The following CHEK2 variants were observed in gnomAD, a reference collection of about 807,000 sequenced individuals.
CHEK2 encodes checkpoint kinase 2.
In CHEK2, 71 loss-of-function variants were observed where a neutral mutation model predicts 69.1. That is an observed-to-expected ratio of 1.03 (90% CI 0.85 to 1.25). The LOEUF is 1.25. Ranked by LOEUF, CHEK2 falls within the 50% of genes most tolerant of loss-of-function variation. The pLI is 0.00. For synonymous variants in CHEK2, 189 were observed against 226.9 expected (o/e 0.83, Z 1.50); for missense variants, 664 against 649.6 (o/e 1.02, Z -0.24).
chr22:28,722,539 CAA>C (rs755107963), intron 4 of CHEK2, among the ~76,000 whole-genome samples: 32 of 67,922 alleles, frequency 4.7e-4, no homozygotes, highest in African/African-American at 9.5e-4. Flanking sequence ...GACTCCGTCT[CAA>C]AAAAAAAAAA....
intron 13 of CHEK2, among the ~76,000 whole-genome samples, chr22:28,692,720 G>A (rs754766452): frequency 4.6e-5 from 7 of 152,156 alleles, no homozygotes; most frequent in African/African-American, 1.7e-4. Flanking sequence ...CACAGAAAAC[G>A]GATTGATACA....
rs1601782720 is a variant in CHEK2 at position 28,711,902 on chromosome 22, T to C, written c.792+7A>G. 1 of 1,578,104 alleles carries C rather than the reference T, an allele frequency of 6.3e-7. No homozygotes were observed. Among genetic ancestry groups the C allele is most frequent in the Non-Finnish European group, 8.7e-7 (1 of 1,147,662 alleles). Reference sequence around the variant, plus strand: ...TAAAAGGTGATCAGCCTTTTATTGGTACTTACTGCCTCTCTTGCTGAACCA... The same window carrying C: ...TAAAAGGTGATCAGCCTTTTATTGGCACTTACTGCCTCTCTTGCTGAACCA... On this transcript the variant is annotated splice_region_variant and intron_variant, in intron 6 of 14. Coordinates refer to ENST00000404276, the MANE Select transcript of CHEK2 (RefSeq NM_007194.4).
intron 8 of CHEK2, among the ~76,000 whole-genome samples, chr22:28,700,483 T>A (rs1237655047): frequency 6.6e-6 from 1 of 152,138 alleles, no homozygotes; most frequent in Non-Finnish European, 1.5e-5. Flanking sequence ...CCAAAAGTGC[T>A]GGGATTACAG....
chr22:28,696,862 T>G, intron 10 of CHEK2, 39 bp downstream of exon 10: 2 of 1,316,636 alleles, frequency 1.5e-6, no homozygotes, highest in Non-Finnish European at 2.2e-6. Flanking sequence ...TGAACAAGAA[T>G]CTACAGGAAT....
chr22:28,723,227 T>C (rs1285269706), intron 4 of CHEK2, among the ~76,000 whole-genome samples: 1 of 152,182 alleles, frequency 6.6e-6, no homozygotes, highest in Non-Finnish European at 1.5e-5. Context: ...CACGATAACC[T>C]TGTAGTATTT....
chr22:28,696,357 G>A (rs1209017786), intron 10 of CHEK2, among the ~76,000 whole-genome samples: 4 of 152,144 alleles, frequency 2.6e-5, no homozygotes, highest in Admixed American at 6.6e-5. Context: ...GAAAGGCAGC[G>A]CATGTGATTA....
At chr22:28,706,591 G>T (rs2053152420) in intron 7 of CHEK2, among the ~76,000 whole-genome samples, 1 of 152,078 alleles carries the variant, frequency 6.6e-6, no homozygotes, top group Non-Finnish European at 1.5e-5. Flanking sequence ...TTATAGGCAT[G>T]AGCCACCATG....
intron 7 of CHEK2, among the ~76,000 whole-genome samples, chr22:28,706,118 C>G (rs1053803217): frequency 1.3e-5 from 2 of 152,142 alleles, no homozygotes; most frequent in South Asian, 4.1e-4. Flanking sequence ...ATGGTGAAAC[C>G]CTGTCTCTAC....
At chr22:28,701,765 G>A (rs2052858173) in intron 8 of CHEK2, among the ~76,000 whole-genome samples, 1 of 152,050 alleles carries the variant, frequency 6.6e-6, no homozygotes, top group African/African-American at 2.4e-5. Flanking sequence ...ATGCAACCTG[G>A]TCCTGGATTG....
intron 2 of CHEK2, chr22:28,730,437 C>G: frequency 1.5e-6 from 1 of 683,800 alleles, no homozygotes; most frequent in African/African-American, 1.8e-5. Flanking sequence ...GCAAACTGGC[C>G]GGGGATGGTG....
chr22:28,731,596 AAATAAT>A (rs541345968), intron 2 of CHEK2, among the ~76,000 whole-genome samples: 6 of 151,574 alleles, frequency 4.0e-5, no homozygotes, highest in African/African-American at 1.2e-4. Context: ...ACTCCGTCTC[AAATAAT>A]AATAATAATA....
chr22:28,710,661 G>C (rs1186985802), intron 6 of CHEK2, among the ~76,000 whole-genome samples: 1 of 152,108 alleles, frequency 6.6e-6, no homozygotes, highest in Admixed American at 6.6e-5. Flanking sequence ...AATTCCAAAA[G>C]GATGAATCAA....
rs1270547979 is a variant in CHEK2 at position 28,700,980 on chromosome 22, G to A, written c.909-1043C>T. Among the ~76,000 whole-genome samples, 5 of 151,994 alleles carry A rather than the reference G, an allele frequency of 3.3e-5. No homozygotes were observed. In the East Asian group the frequency reaches 7.8e-4, roughly 24 times the overall value. ...AATTTTGTATTTTTAGTAGAGATGC[G>A]GTTTCTCCATGTTGGTCAGGCTGGT... is the stretch of plus-strand genomic sequence containing the variant. On this transcript the variant is annotated intron_variant, in intron 8 of 14. Coordinates refer to ENST00000404276, the MANE Select transcript of CHEK2 (RefSeq NM_007194.4).
intron 6 of CHEK2, among the ~76,000 whole-genome samples, chr22:28,711,620 G>A (rs181702707): frequency 2.0e-5 from 3 of 149,960 alleles, no homozygotes; most frequent in Non-Finnish European, 4.4e-5. Flanking sequence ...GTCATTTATT[G>A]TAAAAACAAT....
At chr22:28,712,197 C>T in intron 5 of CHEK2, 180 bp from the exon 6 acceptor site, 1 of 619,150 alleles carries the variant, frequency 1.6e-6, no homozygotes, top group Admixed American at 2.7e-5. Flanking sequence ...GGCTTAACAG[C>T]CAAAAACACT....
chr22:28,722,555 AAAAAG>A (rs1320427841), intron 4 of CHEK2, among the ~76,000 whole-genome samples: 150 of 146,576 alleles, frequency 1.0e-3, no homozygotes, highest in African/African-American at 1.5e-3. Flanking sequence ...AAAAAAAAAA[AAAAAG>A]AAAAGAAAAG....
intron 5 of CHEK2, among the ~76,000 whole-genome samples, chr22:28,716,959 T>A (rs899434738): frequency 6.6e-6 from 1 of 152,190 alleles, no homozygotes; most frequent in South Asian, 2.1e-4. Context: ...CATAACAGAC[T>A]GAATGACGAA....
intron 2 of CHEK2, among the ~76,000 whole-genome samples, chr22:28,729,563 A>AAAAAAAAAAAAAAAAAAAAAT (rs2054130447): frequency 6.9e-6 from 1 of 144,920 alleles, no homozygotes; most frequent in African/African-American, 2.5e-5. Context: ...AAAAAAAAAA[A>AAAAAAAAAAAAAAAAAAAAAT]AAGAATTAAC....
At chr22:28,737,136 G>A in intron 1 of CHEK2, 1 of 324,412 alleles carries the variant, frequency 3.1e-6, no homozygotes, top group Non-Finnish European at 6.4e-6. Context: ...CCATCAGAGG[G>A]GGATAAGATC....
Sources: gnomAD v4.1 joint callset for allele counts (sites outside exome capture counted in the v4.1 genomes callset) on GRCh38, gnomAD v4.1.1 for gene constraint, MANE v1.5 for transcripts, NCBI Gene and HGNC (gene_info 2026-07-23, HGNC 2026-07-21) for gene names.